NAF1: variants seen among roughly 807,000 people sequenced by gnomAD.
The protein encoded by NAF1 is H/ACA ribonucleoprotein complex non-core subunit NAF1.
NAF1 carries 11 observed loss-of-function variants against 40.6 expected under a neutral mutation model. That is an observed-to-expected ratio of 0.27 (90% CI 0.17 to 0.45). The LOEUF is 0.45. Ranked by LOEUF, NAF1 falls within the 20% of genes least tolerant of loss-of-function variation. The pLI, the probability that NAF1 is intolerant of heterozygous loss-of-function variation, is 1.00. For synonymous variants in NAF1, 260 were observed against 228.5 expected (o/e 1.14, Z -1.24); for missense variants, 607 against 611.1 (o/e 0.99, Z 0.07).
intron 2 of NAF1, among the ~76,000 whole-genome samples, chr4:163,113,031 C>A (rs1400698939): frequency 2.0e-5 from 3 of 152,026 alleles, no homozygotes; most frequent in African/African-American, 7.3e-5. Context: ...CAAAGGGAGA[C>A]AAGAAGAAAA....
intron 2 of NAF1, among the ~76,000 whole-genome samples, chr4:163,120,897 A>C (rs1277883424): frequency 1.3e-5 from 2 of 151,988 alleles, no homozygotes; most frequent in Non-Finnish European, 2.9e-5. Context: ...GGTCTGATTT[A>C]TTTATTTTTT....
intron 6 of NAF1, among the ~76,000 whole-genome samples, chr4:163,134,577 T>C (rs879845224): frequency 1.3e-5 from 2 of 152,126 alleles, no homozygotes; most frequent in Non-Finnish European, 2.9e-5. Context: ...AAATGTACAA[T>C]GAACAAGTGC....
intron 5 of NAF1, among the ~76,000 whole-genome samples, chr4:163,138,980 T>C (rs1426274111): frequency 6.6e-6 from 1 of 152,158 alleles, no homozygotes; most frequent in East Asian, 1.9e-4. Flanking sequence ...CAGTGTTATT[T>C]AAGAAAATAA....
chr4:163,166,798 A>G lies in NAF1; in HGVS notation c.-71T>C. The G allele has an allele frequency of 6.4e-7, 1 of 1,572,376 alleles. No individual in the cohort carries two copies. The highest frequency in any genetic ancestry group is 1.9e-5 in the Admixed American group (1 of 52,642). ...GACAAGCTCACGGCTCTCTCCAGAA[A>G]TAGAAAAACAACTTAGGCAACCGCA... On this transcript the variant is annotated 5_prime_UTR_variant, in exon 1 of 8. Coordinates refer to ENST00000274054, the MANE Select transcript of NAF1 (RefSeq NM_138386.3).
intron 4 of NAF1, among the ~76,000 whole-genome samples, chr4:163,141,333 C>T (rs1731254623): frequency 6.6e-6 from 1 of 152,134 alleles, no homozygotes; most frequent in South Asian, 2.1e-4. Context: ...CATCGCACTA[C>T]AGCCTGGGGG....
At chr4:163,116,911 CAG>C (rs144180223) in intron 2 of NAF1, among the ~76,000 whole-genome samples, 39,645 of 151,886 alleles carry the variant, frequency 0.26, 5,546 homozygotes, top group African/African-American at 0.37. Context: ...CCTAACATTG[CAG>C]AGTCCTGTCA....
intron 4 of NAF1, 95 bp from the exon 5 acceptor site, chr4:163,140,478 A>C: frequency 9.3e-7 from 1 of 1,076,314 alleles, no homozygotes; most frequent in Non-Finnish European, 1.4e-6. Context: ...GATAATTGCC[A>C]GAACAAGGTA....
chr4:163,155,094 T>C (rs541744239), intron 2 of NAF1, among the ~76,000 whole-genome samples: 1 of 152,284 alleles, frequency 6.6e-6, no homozygotes, highest in South Asian at 2.1e-4. Context: ...TAATATAAGA[T>C]TTTTGTTTTG....
intron 2 of NAF1, among the ~76,000 whole-genome samples, chr4:163,155,261 A>G (rs775517462): frequency 5.9e-5 from 9 of 152,154 alleles, no homozygotes; most frequent in South Asian, 4.1e-4. Context: ...CTTAATGTCT[A>G]TTTCTCTAAC....
chr4:163,104,329 A>G, the NAF1 span, among the ~76,000 whole-genome samples: 1 of 152,228 alleles, frequency 6.6e-6, no homozygotes, highest in East Asian at 1.9e-4. Context: ...GACAATAAGC[A>G]TGTAGTTAAG....
At chr4:163,150,560 A>T (rs1731659298) in intron 2 of NAF1, among the ~76,000 whole-genome samples, 1 of 152,104 alleles carries the variant, frequency 6.6e-6, no homozygotes, top group South Asian at 2.1e-4. Flanking sequence ...TTTTACTTAA[A>T]CACTTAGGAT....
chr4:163,158,492 T>A (rs998397092), intron 2 of NAF1, among the ~76,000 whole-genome samples: 2 of 152,096 alleles, frequency 1.3e-5, no homozygotes, highest in Non-Finnish European at 2.9e-5. Flanking sequence ...AGTCCCCTCA[T>A]TAATTACCCT....
rs775147765 is a variant in NAF1 at position 163,129,390 on chromosome 4, T to G, written c.1034-42A>C. The G allele has an allele frequency of 9.8e-6, 15 of 1,523,294 alleles. No individual in the cohort carries two copies. The East Asian group carries it at 3.2e-4, about 32-fold the overall frequency. The allele number at this position is 1,523,294 out of a possible 1,614,324, so 94.4% of individuals were successfully genotyped here. On this transcript the variant is annotated intron_variant, in intron 7 of 7. Coordinates refer to ENST00000274054, the MANE Select transcript of NAF1 (RefSeq NM_138386.3). ...GGAAAACATAAAAAGGAAAATAAGT[T>G]TAATATATCAAAAAGCATTGTTTGA...
Position 163,138,927 on chromosome 4 carries a change from A to C in NAF1, c.878+1296T>G, listed in dbSNP as rs78042742. ...TATTTAAAGCATTTTAGAACATATT[A>C]ATATCTTGAAGACTTTATGTGTATT... On this transcript the variant is annotated intron_variant, in intron 5 of 7. Coordinates refer to ENST00000274054, the MANE Select transcript of NAF1 (RefSeq NM_138386.3). 3.1e-3 allele frequency among the ~76,000 whole-genome samples: 479 copies of C among 152,252 alleles called. 2 individuals carry two copies. The highest frequency in any genetic ancestry group is 0.011 in the African/African-American group (464 of 41,572).
At chr4:163,126,788 A>G, downstream of NAF1, 1 of 583,606 alleles carries the variant, frequency 1.7e-6, no homozygotes, top group Non-Finnish European at 2.7e-6. Context: ...CTTCACTGCT[A>G]TCTATTAGGA....
intron 2 of NAF1, among the ~76,000 whole-genome samples, chr4:163,153,906 A>T (rs1731853261): frequency 6.6e-6 from 1 of 152,132 alleles, no homozygotes; most frequent in African/African-American, 2.4e-5. Flanking sequence ...TGCTTTTATG[A>T]GCCATAACAC....
At position 163,140,383 on chromosome 4, in the gene NAF1, T is replaced by A; in HGVS notation, c.718A>T (p.Ile240Leu). ...GCAACAGGTCCAAATATCTCGAATA[T>A]CTGTAATAGAAACATAAAGGCCTCT... ...FKSDRQAAGKIFEIFGPVAHP... is the reference protein window; with the variant it reads ...FKSDRQAAGKLFEIFGPVAHP... Residue 240 changes from isoleucine (I) to leucine (L), a missense_variant and splice_region_variant, in exon 5 of 8, where the codon ATA becomes TTA. Physicochemically the swap from Ile to Leu is conservative, Grantham distance 5. Transcript: ENST00000274054. 6.3e-7 allele frequency: 1 copy of A among 1,598,068 alleles called. No individual in the cohort carries two copies. The highest frequency in any genetic ancestry group is 8.5e-7 in the Non-Finnish European group (1 of 1,174,870).
chr4:163,156,574 A>T (rs1044591844), intron 2 of NAF1, among the ~76,000 whole-genome samples: 17 of 152,116 alleles, frequency 1.1e-4, no homozygotes, highest in African/African-American at 3.6e-4. Flanking sequence ...CACAATATGG[A>T]CATCCCCAAC....
At position 163,148,418 on chromosome 4, in the gene NAF1, T is replaced by C; in HGVS notation, c.557A>G (p.Glu186Gly). 1 of 1,582,468 alleles carries C rather than the reference T, an allele frequency of 6.3e-7. No individual in the cohort carries two copies. The highest frequency in any genetic ancestry group is 8.6e-7 in the Non-Finnish European group (1 of 1,169,336). ...TTCAGGCAGAATAATAGTGAGTTCT[T>C]CAACAGAAGGCAGTTCCTATAATTT... ...ELLLNELPSVEELTIILPEDI... is the reference protein window; with the variant it reads ...ELLLNELPSVGELTIILPEDI... The change falls in exon 3 of 8, where the codon GAA (glutamate) becomes GGA (glycine). Residue 186 changes from glutamate to glycine, a missense_variant. Around this residue, in one of 3 missense-constraint regions of NAF1, gnomAD observed 407 missense variants for 365.5 expected, o/e 1.11. Transcript: ENST00000274054.
Sources: allele counts gnomAD v4.1 joint callset (sites outside exome capture counted in the v4.1 genomes callset), GRCh38; gene constraint gnomAD v4.1.1; regional missense constraint gnomAD v4.1.1; transcripts MANE v1.5; gene names NCBI Gene and HGNC (gene_info 2026-07-23, HGNC 2026-07-21).